Variants in DIS3L observed in about 807,000 individuals in gnomAD.
The protein encoded by DIS3L is DIS3-like exonuclease 1.
A neutral mutation model predicts 120.3 loss-of-function variants in DIS3L; 100 were observed. The ratio of observed to expected loss-of-function variants is 0.83; its 90% CI spans 0.71 to 0.98. DIS3L has a LOEUF of 0.98. DIS3L is among the 50% of genes least tolerant of loss of function. The probability of loss-of-function intolerance (pLI) is 0.00; values close to 1 mark genes in which losing one functional copy is unlikely to be tolerated. For missense variants in DIS3L, 1,196 were observed against 1,314.2 expected (o/e 0.91, Z 1.39); for synonymous variants, 426 against 470.6 (o/e 0.91, Z 1.23).
intron 12 of DIS3L, among the ~76,000 whole-genome samples, chr15:66,327,698 C>T (rs145870637): frequency 0.016 from 2,385 of 152,054 alleles, 65 homozygotes; most frequent in African/African-American, 0.055. Context: ...GACCCAAAAT[C>T]GCACCACTGC....
intron 9 of DIS3L, among the ~76,000 whole-genome samples, chr15:66,321,108 G>A (rs1319047562): frequency 6.6e-6 from 1 of 152,126 alleles, no homozygotes; most frequent in Non-Finnish European, 1.5e-5. Context: ...AAAGCTGCAG[G>A]GGGTGGATTC....
Position 66,323,502 on chromosome 15 carries a change from T to C in DIS3L, c.1584T>C (p.Thr528=), listed in dbSNP as rs754090178. ...IDIEARTRAT[T]YYLADRRYDM... Reference sequence around the variant, plus strand: ...TGTGTGTCATTCACAGGGCCACCACTTATTATCTAGCAGATCGTCGCTATG... The same window carrying C: ...TGTGTGTCATTCACAGGGCCACCACCTATTATCTAGCAGATCGTCGCTATG... Residue 528 remains threonine, a synonymous_variant, in exon 11 of 17, where the codon ACT becomes ACC. Coordinates refer to ENST00000319212, the MANE Select transcript of DIS3L (RefSeq NM_001143688.3). 105 of 1,614,128 alleles carry C rather than the reference T, an allele frequency of 6.5e-5. No individual in the cohort carries two copies. The highest frequency in any genetic ancestry group is 8.7e-5 in the Non-Finnish European group (103 of 1,180,048).
chr15:66,306,997 C>A (rs1397116277), intron 3 of DIS3L, 45 bp downstream of exon 3: 3 of 1,605,834 alleles, frequency 1.9e-6, no homozygotes, highest in Non-Finnish European at 2.6e-6. Context: ...CGTCTTCTTT[C>A]ATTTCCTCAT....
chr15:66,325,953 T>A lies in DIS3L; in HGVS notation c.1790T>A (p.Leu597Gln). The change falls in exon 12 of 17, where the codon CTG (leucine) becomes CAG (glutamine). Residue 597 changes from leucine to glutamine, a missense_variant. Transcript: ENST00000319212. ...KLFYEAAQEL[L>Q]DGNLSVVDDI... ...TTCTATGAAGCAGCCCAAGAACTAC[T>A]GGATGGAAACTTAAGCGTTGTTGAT... The A allele has an allele frequency of 1.2e-6, 2 of 1,614,188 alleles. No individual in the cohort carries two copies. The highest frequency in any genetic ancestry group is 1.7e-6 in the Non-Finnish European group (2 of 1,180,040).
intron 12 of DIS3L, chr15:66,326,576 G>A (rs2092940618): frequency 1.7e-6 from 1 of 578,324 alleles, no homozygotes; most frequent in Non-Finnish European, 2.9e-6. Context: ...TTGTTCCTTG[G>A]TTTTTTGTTT....
At chr15:66,304,855 C>T (rs1371959476) in intron 2 of DIS3L, among the ~76,000 whole-genome samples, 4 of 140,848 alleles carry the variant, frequency 2.8e-5, no homozygotes, top group Non-Finnish European at 6.0e-5. Context: ...GAGCCGAGAT[C>T]GTGCCACTGC....
At chr15:66,322,594 A>C (rs1025019872) in intron 9 of DIS3L, 93 bp from the exon 10 acceptor site, 1 of 1,537,806 alleles carries the variant, frequency 6.5e-7, no homozygotes, top group African/African-American at 1.4e-5. Flanking sequence ...AGAATGAATG[A>C]ATTTCTATGT....
In DIS3L at chr15:66,325,982, A is replaced by G; in HGVS notation, c.1819A>G (p.Ile607Val). 2.5e-6 allele frequency: 4 copies of G among 1,614,212 alleles called. No individual in the cohort carries two copies. Among genetic ancestry groups the G allele is most frequent in the Non-Finnish European group, 3.4e-6 (4 of 1,180,044 alleles). The change falls in exon 12 of 17, where the codon ATT becomes GTT. Residue 607 changes from isoleucine (I) to valine (V), a missense_variant. Physicochemically the swap from Ile to Val is conservative, Grantham distance 29. Coordinates refer to ENST00000319212, the MANE Select transcript of DIS3L (RefSeq NM_001143688.3). ...TGGAAACTTAAGCGTTGTTGATGATATTCCAGAATTCAAAGACTTGGATGA... is the reference window on the plus strand; with the variant it reads ...TGGAAACTTAAGCGTTGTTGATGATGTTCCAGAATTCAAAGACTTGGATGA... The part of the protein sequence containing the change: ...LDGNLSVVDD[I>V]PEFKDLDEKS...
At chr15:66,315,009 G>A (rs1230347476) in intron 6 of DIS3L, 27 bp from the exon 7 acceptor site, 2 of 1,607,812 alleles carry the variant, frequency 1.2e-6, no homozygotes, top group East Asian at 2.2e-5. Flanking sequence ...GGCTTTATGG[G>A]TTTTTTCTGT....
Position 66,329,282 on chromosome 15 carries a change from A to G in DIS3L, c.2418A>G (p.Val806=). Residue 806 remains valine, a synonymous_variant, in exon 14 of 17, where the codon GTA becomes GTG. Transcript: ENST00000319212. ...CAATAAGAAGATATTCAGATATTGT[A>G]GTACACCGCTTGTTAATGGCAGCCA... ...TSPIRRYSDI[V]VHRLLMAAIS... The G allele has an allele frequency of 6.2e-7, 1 of 1,614,086 alleles. No individual in the cohort carries two copies. The highest frequency in any genetic ancestry group is 8.5e-7 in the Non-Finnish European group (1 of 1,180,002).
intron 7 of DIS3L, 55 bp downstream of exon 7, chr15:66,315,270 G>A: frequency 6.6e-7 from 1 of 1,515,088 alleles, no homozygotes; most frequent in Non-Finnish European, 8.9e-7. Context: ...AATTATATTT[G>A]TCTCCTCTTT....
chr15:66,293,812 G>A (rs1228990438), intron 1 of DIS3L, 77 bp downstream of exon 1: 3 of 1,075,504 alleles, frequency 2.8e-6, no homozygotes, highest in Non-Finnish European at 2.2e-6. Context: ...GCGGCCGGGA[G>A]GCGGAGCGCC....
Position 66,294,981 on chromosome 15 carries a change from G to A in DIS3L, c.140-7G>A, listed in dbSNP as rs779358711. 3 of 1,603,726 alleles carry A rather than the reference G, an allele frequency of 1.9e-6. No homozygotes were observed. Among genetic ancestry groups the A allele is most frequent in the South Asian group, 2.2e-5 (2 of 89,972 alleles). ...TCTAATCTCTTACATTTTGAATTATGTTTCAGATGGGAAACTCTTGTCTAG... is the reference window on the plus strand; with the variant it reads ...TCTAATCTCTTACATTTTGAATTATATTTCAGATGGGAAACTCTTGTCTAG... On this transcript the variant is annotated splice_region_variant and splice_polypyrimidine_tract_variant and intron_variant, in intron 1 of 16. Transcript: ENST00000319212.
At chr15:66,310,613 TTGATAAG>T (rs971543261) in intron 4 of DIS3L, among the ~76,000 whole-genome samples, 1 of 152,172 alleles carries the variant, frequency 6.6e-6, no homozygotes, top group Non-Finnish European at 1.5e-5. Context: ...AAGTGTAGTG[TTGATAAG>T]TGATAAGTGA....
chr15:66,330,324 G>A lies in DIS3L; in HGVS notation c.2535+925G>A, dbSNP rs567820249. ...AAAAAAAAATCACACCGTGCCTGCT[G>A]TTTGAATCTGCTTTTTTCATGTAAC... is the stretch of plus-strand genomic sequence containing the variant. On this transcript the variant is annotated intron_variant, in intron 14 of 16. Transcript: ENST00000319212. 15 of 985,154 alleles carry A rather than the reference G, an allele frequency of 1.5e-5. No homozygotes were observed. In the East Asian group the frequency reaches 1.3e-3, roughly 82 times the overall value. The allele number at this position is 985,154 out of a possible 1,614,324, so 61.0% of individuals were successfully genotyped here.
At chr15:66,319,262 C>T (rs2092854661) in intron 8 of DIS3L, among the ~76,000 whole-genome samples, 1 of 152,116 alleles carries the variant, frequency 6.6e-6, no homozygotes, top group African/African-American at 2.4e-5. Flanking sequence ...TTTAAAAATT[C>T]TAAATATATG....
chr15:66,323,050 C>CAAAAAA, intron 10 of DIS3L, 116 bp downstream of exon 10: 1 of 1,347,678 alleles, frequency 7.4e-7, no homozygotes, highest in Non-Finnish European at 1.0e-6. Flanking sequence ...AGGTCCCTTC[C>CAAAAAA]AGAAAAAAAA....
intron 4 of DIS3L, among the ~76,000 whole-genome samples, chr15:66,309,200 C>T (rs1332155058): frequency 2.0e-5 from 3 of 147,662 alleles, no homozygotes; most frequent in African/African-American, 5.0e-5. Flanking sequence ...TGCAGTGAGC[C>T]GTGAACACAC....
At position 66,326,710 on chromosome 15, in the gene DIS3L, G is replaced by T. The variant is rs565660768; in HGVS notation, c.2201+346G>T. 265 of 209,466 alleles carry T rather than the reference G, an allele frequency of 1.3e-3. 4 individuals are homozygous for T. Among genetic ancestry groups the T allele is most frequent in the Non-Finnish European group, 1.7e-3 (171 of 103,344 alleles). The allele number at this position is 209,466 out of a possible 1,614,324, so 13.0% of individuals were successfully genotyped here. A position where few individuals can be genotyped will look rare whatever the true frequency, so the allele number is the denominator to read the frequency against. On this transcript the variant is annotated intron_variant, in intron 12 of 16. Coordinates refer to ENST00000319212, the MANE Select transcript of DIS3L (RefSeq NM_001143688.3). ...CTCTCCTGCCTCAGGTTCCTGAGTA[G>T]CTGGGACTACAGGCACACGCCACCA...
Sources: allele counts gnomAD v4.1 joint callset (sites outside exome capture counted in the v4.1 genomes callset), GRCh38; gene constraint gnomAD v4.1.1; transcripts MANE v1.5; gene names NCBI Gene and HGNC (gene_info 2026-07-23, HGNC 2026-07-21).